The following UNC80 variants were observed in gnomAD, a reference collection of about 807,000 sequenced individuals.
UNC80 encodes the protein unc-80 subunit of NALCN channel complex, also known as protein unc-80 homolog.
A neutral mutation model predicts 384.6 loss-of-function variants in UNC80; 164 were observed. The ratio of observed to expected loss-of-function variants is 0.43; its 90% CI spans 0.38 to 0.49. The LOEUF (loss-of-function observed/expected upper bound fraction) is 0.49. Ranked by LOEUF, UNC80 falls within the 20% of genes least tolerant of loss-of-function variation. The pLI, the probability that UNC80 is intolerant of heterozygous loss-of-function variation, is 0.00. For synonymous variants in UNC80, 1,486 were observed against 1,527.8 expected, an observed-to-expected ratio of 0.97 and a Z score of 0.64; for missense variants, 3,330 against 4,143.0, an observed-to-expected ratio of 0.80 and a Z score of 5.39.
At chr2:209,888,455 C>T (rs946499499) in intron 26 of UNC80, among the ~76,000 whole-genome samples, 195 bp downstream of exon 26, 2 of 152,078 alleles carry the variant, frequency 1.3e-5, no homozygotes, top group East Asian at 1.9e-4. Context: ...GCTTCCAATT[C>T]CAGCTCAGAA....
intron 19 of UNC80, among the ~76,000 whole-genome samples, chr2:209,840,030 C>A (rs111786447): frequency 1.8e-4 from 27 of 152,286 alleles, no homozygotes; most frequent in South Asian, 6.2e-4. Context: ...CAGGTTGACT[C>A]TTCATTCTAG....
rs979851750 is a variant in UNC80 at position 209,997,754 on chromosome 2, A to T, written c.*2159A>T. On this transcript the variant is annotated 3_prime_UTR_variant, in exon 65 of 65. Transcript: ENST00000673920. The stretch of plus-strand genomic sequence containing the variant: ...AGAAACAGGGCCTTATAGAGTAGGA[A>T]TGTTTTCATACTGGGACTACTGAAA... 1 of 152,152 alleles carries T rather than the reference A, an allele frequency of 6.6e-6. No individual in the cohort carries two copies. The highest frequency in any genetic ancestry group is 6.5e-5 in the Admixed American group (1 of 15,274). 9.4% of individuals were successfully genotyped at this position (152,152 alleles called of 1,614,324 possible). A position where few individuals can be genotyped will look rare whatever the true frequency, so the allele number is the denominator to read the frequency against.
chr2:209,788,990 A>G (rs1236577807), intron 5 of UNC80, among the ~76,000 whole-genome samples: 1 of 152,174 alleles, frequency 6.6e-6, no homozygotes, highest in Non-Finnish European at 1.5e-5. Context: ...TAGATACACA[A>G]ATACCATTGT....
At chr2:209,878,924 T>C (rs931776051) in intron 24 of UNC80, among the ~76,000 whole-genome samples, 2 of 152,236 alleles carry the variant, frequency 1.3e-5, no homozygotes, top group Non-Finnish European at 2.9e-5. Context: ...TCAGACCTAC[T>C]GCATTGTTGC....
chr2:209,911,524 T>G (rs1348393888), intron 29 of UNC80, among the ~76,000 whole-genome samples: 1 of 152,232 alleles, frequency 6.6e-6, no homozygotes, highest in East Asian at 1.9e-4. Context: ...TGGGTCGTTT[T>G]GTCAGAGTTT....
intron 35 of UNC80, among the ~76,000 whole-genome samples, chr2:209,924,340 T>C (rs956156954): frequency 1.3e-5 from 2 of 152,206 alleles, no homozygotes; most frequent in African/African-American, 4.8e-5. Context: ...AATAAGCCTT[T>C]GTTGAGTGTG....
At chr2:209,953,690 T>A (rs75147003) in intron 47 of UNC80, among the ~76,000 whole-genome samples, 3,632 of 152,230 alleles carry the variant, frequency 0.024, 170 homozygotes, top group African/African-American at 0.083. Context: ...CAGCCTCCCA[T>A]GAAAGGGTTT....
intron 56 of UNC80, among the ~76,000 whole-genome samples, chr2:209,975,148 C>G (rs539273060): frequency 6.6e-6 from 1 of 152,254 alleles, no homozygotes; most frequent in South Asian, 2.1e-4. Context: ...TTTAGTCACT[C>G]AATGCACTTA....
intron 25 of UNC80, among the ~76,000 whole-genome samples, chr2:209,883,923 A>G (rs950363348): frequency 9.9e-5 from 15 of 152,272 alleles, no homozygotes; most frequent in African/African-American, 3.6e-4. Flanking sequence ...AATGGCACTG[A>G]ACAGTAAATC....
Position 209,872,341 on chromosome 2 carries a change from G to A in UNC80, c.3628-417G>A, listed in dbSNP as rs933958171. Among the ~76,000 whole-genome samples, 12 of 152,090 alleles carry A rather than the reference G, an allele frequency of 7.9e-5. No homozygotes were observed. Among genetic ancestry groups the A allele is most frequent in the African/African-American group, 2.4e-4 (10 of 41,408 alleles). ...TGACGCTCTTGGTTAAAATAAGACTGGTTCTAGAAATGGAATATTTGTTTG... is the reference window on the plus strand; with the variant it reads ...TGACGCTCTTGGTTAAAATAAGACTAGTTCTAGAAATGGAATATTTGTTTG... On this transcript the variant is annotated intron_variant, in intron 22 of 64. Transcript: ENST00000673920. The surrounding 1 kb of genome is among the most constrained non-coding windows in gnomAD (Gnocchi z 4.1).
At chr2:209,936,113 A>G (rs1025097986) in intron 40 of UNC80, among the ~76,000 whole-genome samples, 2 of 152,158 alleles carry the variant, frequency 1.3e-5, no homozygotes, top group African/African-American at 4.8e-5. Flanking sequence ...CGTGCATCTT[A>G]TTTCAGTAGA....
At chr2:209,986,168 T>G (rs2093283320) in intron 61 of UNC80, among the ~76,000 whole-genome samples, 1 of 152,206 alleles carries the variant, frequency 6.6e-6, no homozygotes, top group Non-Finnish European at 1.5e-5. Context: ...CTGAACCAAG[T>G]CTAGCAGAGT....
At chr2:209,985,781 A>T (rs1264590812) in intron 61 of UNC80, among the ~76,000 whole-genome samples, 4 of 152,100 alleles carry the variant, frequency 2.6e-5, no homozygotes, top group Non-Finnish European at 5.9e-5. Flanking sequence ...TCAGGTTTGC[A>T]CTATCTAGTG....
chr2:209,786,538 A>T (rs1335424347), intron 5 of UNC80, among the ~76,000 whole-genome samples: 1 of 151,966 alleles, frequency 6.6e-6, no homozygotes, highest in East Asian at 1.9e-4. Context: ...GGCAGCTGCG[A>T]TTATTATTAT....
intron 33 of UNC80, among the ~76,000 whole-genome samples, chr2:209,920,095 G>A (rs1247435619): frequency 6.6e-6 from 1 of 152,136 alleles, no homozygotes; most frequent in Non-Finnish European, 1.5e-5. Flanking sequence ...CTTGAACCCA[G>A]GAGGTGGAGG....
intron 22 of UNC80, among the ~76,000 whole-genome samples, chr2:209,861,546 T>A (rs1213006121): frequency 6.6e-6 from 1 of 152,198 alleles, no homozygotes; most frequent in Non-Finnish European, 1.5e-5. Context: ...ATGCTGGCTT[T>A]ATAAAATGAG....
intron 35 of UNC80, among the ~76,000 whole-genome samples, chr2:209,924,296 T>A (rs954426387): frequency 6.6e-6 from 1 of 152,228 alleles, no homozygotes; most frequent in Non-Finnish European, 1.5e-5. Context: ...TTTGTTTGTT[T>A]AGTAACTTTC....
intron 26 of UNC80, among the ~76,000 whole-genome samples, chr2:209,891,883 A>C (rs550318559): frequency 6.6e-6 from 1 of 152,174 alleles, no homozygotes; most frequent in Admixed American, 6.5e-5. Flanking sequence ...TTAAAATTTT[A>C]TACCATTTGG....
intron 7 of UNC80, among the ~76,000 whole-genome samples, chr2:209,800,955 G>A (rs540182689): frequency 2.6e-5 from 4 of 152,268 alleles, no homozygotes; most frequent in Admixed American, 2.0e-4. Flanking sequence ...CATTTGCTGA[G>A]GAGTGTTCTA....
Sources: allele counts gnomAD v4.1 joint callset (sites outside exome capture counted in the v4.1 genomes callset), GRCh38; gene constraint gnomAD v4.1.1; non-coding constraint Gnocchi (gnomAD v3.1); transcripts MANE v1.5; gene names NCBI Gene and HGNC (gene_info 2026-07-23, HGNC 2026-07-21).